The following RANBP2 variants were observed in gnomAD, a reference collection of about 807,000 sequenced individuals.
RANBP2 encodes the protein RAN binding protein 2, also known as E3 SUMO-protein ligase RanBP2.
Under a neutral mutation model 303.6 loss-of-function variants are expected in RANBP2, and 57 were observed. The observed-to-expected ratio is 0.19, with a 90% CI of 0.15 to 0.23. The LOEUF is 0.23. Ranked by LOEUF, RANBP2 falls within the 10% of genes least tolerant of loss-of-function variation. The pLI is 1.00. For missense variants in RANBP2, 3,138 were observed against 3,780.8 expected (o/e 0.83, Z 4.46); for synonymous variants, 1,167 against 1,301.5 (o/e 0.90, Z 2.23).
the RANBP2 span, among the ~76,000 whole-genome samples, chr2:109,373,120 T>TCA: frequency 1.0e-3 from 152 of 152,200 alleles, no homozygotes; most frequent in African/African-American, 3.3e-3. Context: ...GGCAGATAAT[T>TCA]CACACACACA....
At chr2:109,136,563 C>T in the RANBP2 span, among the ~76,000 whole-genome samples, 3 of 152,128 alleles carry the variant, frequency 2.0e-5, no homozygotes, top group African/African-American at 4.8e-5. Flanking sequence ...TTAGGCTCTC[C>T]TGGCCCTTGA....
chr2:109,611,133 T>TA, the RANBP2 span, among the ~76,000 whole-genome samples: 2 of 152,134 alleles, frequency 1.3e-5, no homozygotes, highest in Non-Finnish European at 2.9e-5. Context: ...TGGACATCCA[T>TA]AGGCCAAAAA....
the RANBP2 span, among the ~76,000 whole-genome samples, chr2:109,538,556 G>C: frequency 6.6e-6 from 1 of 152,304 alleles, no homozygotes; most frequent in Non-Finnish European, 1.5e-5. Context: ...TCACTCTGTC[G>C]TCCAGGCCAG....
chr2:109,405,928 C>T, the RANBP2 span, among the ~76,000 whole-genome samples: 1 of 152,378 alleles, frequency 6.6e-6, no homozygotes, highest in African/African-American at 2.4e-5. Context: ...CAGCATTCCT[C>T]ACTGGATGGT....
the RANBP2 span, among the ~76,000 whole-genome samples, chr2:108,840,133 CTTG>C: frequency 4.6e-5 from 7 of 152,128 alleles, no homozygotes; most frequent in East Asian, 9.7e-4. Flanking sequence ...TCATCTTTAA[CTTG>C]TTAATATGAA....
chr2:108,884,263 A>C, the RANBP2 span: 2 of 152,184 alleles, frequency 1.3e-5, no homozygotes, highest in African/African-American at 4.8e-5. Flanking sequence ...TTTACCTGTC[A>C]AGCAGGGACC....
the RANBP2 span, among the ~76,000 whole-genome samples, chr2:109,393,161 A>C: frequency 6.6e-6 from 1 of 152,192 alleles, no homozygotes; most frequent in Non-Finnish European, 1.5e-5. Context: ...TTGAAGCTTT[A>C]AGGCCAGCAA....
the RANBP2 span, among the ~76,000 whole-genome samples, chr2:108,944,232 G>A: frequency 9.2e-5 from 14 of 152,278 alleles, no homozygotes; most frequent in Admixed American, 1.3e-4. Context: ...TCCTGCCTCA[G>A]TCTCCCAAGT....
At chr2:109,085,014 C>T in the RANBP2 span, among the ~76,000 whole-genome samples, 2 of 152,282 alleles carry the variant, frequency 1.3e-5, no homozygotes, top group East Asian at 3.9e-4. Flanking sequence ...AGAGCAGTTG[C>T]TCTCACTGCG....
the RANBP2 span, among the ~76,000 whole-genome samples, chr2:109,198,546 A>T: frequency 6.6e-6 from 1 of 152,142 alleles, no homozygotes; most frequent in Admixed American, 6.5e-5. Flanking sequence ...TTTCTGTGAG[A>T]TGTTTGTTTC....
At chr2:108,990,002 T>G in the RANBP2 span, among the ~76,000 whole-genome samples, 5 of 152,088 alleles carry the variant, frequency 3.3e-5, no homozygotes, top group African/African-American at 1.2e-4. Context: ...AGTAAGAGCT[T>G]AAGAAAGAAA....
chr2:109,180,564 C>T, the RANBP2 span, among the ~76,000 whole-genome samples: 11 of 152,254 alleles, frequency 7.2e-5, no homozygotes, highest in South Asian at 2.1e-3. Context: ...ATAATTGAAT[C>T]ATGGGGGTGG....
the RANBP2 span, among the ~76,000 whole-genome samples, chr2:109,511,208 G>A: frequency 6.6e-6 from 1 of 152,188 alleles, no homozygotes; most frequent in Non-Finnish European, 1.5e-5. Context: ...GGGAGGCCTG[G>A]CTGATGTCAG....
chr2:108,860,111 T>C, the RANBP2 span, among the ~76,000 whole-genome samples: 3 of 152,136 alleles, frequency 2.0e-5, no homozygotes, highest in African/African-American at 4.8e-5. Flanking sequence ...TTGAATGTTA[T>C]TGGTGTATAG....
At chr2:109,510,761 C>T in the RANBP2 span, among the ~76,000 whole-genome samples, 1 of 152,184 alleles carries the variant, frequency 6.6e-6, no homozygotes, top group Non-Finnish European at 1.5e-5. Context: ...CCTCCTCCAG[C>T]TAAAGCCAGG....
the RANBP2 span, among the ~76,000 whole-genome samples, chr2:109,107,007 G>A: frequency 1.5e-3 from 220 of 146,918 alleles, no homozygotes; most frequent in Non-Finnish European, 2.6e-3. Context: ...CTGCAATCTC[G>A]GCTCACTGCA....
the RANBP2 span, among the ~76,000 whole-genome samples, chr2:109,294,527 C>G: frequency 6.7e-6 from 1 of 149,506 alleles, no homozygotes; most frequent in Non-Finnish European, 1.5e-5. Context: ...CACCACTACA[C>G]TCCAGCTTGT....
At chr2:109,245,956 TA>T in the RANBP2 span, among the ~76,000 whole-genome samples, 4 of 152,234 alleles carry the variant, frequency 2.6e-5, no homozygotes, top group Non-Finnish European at 4.4e-5. Context: ...ATTACTGCTA[TA>T]ATGAAAGTCT....
At chr2:108,817,632 A>T in the RANBP2 span, among the ~76,000 whole-genome samples, 1 of 152,192 alleles carries the variant, frequency 6.6e-6, no homozygotes, top group African/African-American at 2.4e-5. Flanking sequence ...CTCAGCTGAC[A>T]GTCACAAAGG....
Sources: allele counts gnomAD v4.1 joint callset (sites outside exome capture counted in the v4.1 genomes callset), GRCh38; gene constraint gnomAD v4.1.1; transcripts MANE v1.5; gene names NCBI Gene and HGNC (gene_info 2026-07-23, HGNC 2026-07-21).